WDPCP: variants seen among roughly 807,000 people sequenced by gnomAD.
WDPCP encodes WD repeat containing planar cell polarity effector.
In WDPCP, 71 loss-of-function variants were observed where a neutral mutation model predicts 93.1. The observed-to-expected ratio is 0.76, with a 90% confidence interval of 0.63 to 0.93. WDPCP has a LOEUF of 0.93. Among genes scored for constraint, WDPCP ranks in the 40% least tolerant of loss-of-function variants. The pLI, the probability that WDPCP is intolerant of heterozygous loss-of-function variation, is 0.00. For synonymous variants in WDPCP, 315 were observed against 315.0 expected (o/e 1.00, Z 0.00); for missense variants, 844 against 887.4 (o/e 0.95, Z 0.62).
intron 1 of WDPCP, among the ~76,000 whole-genome samples, chr2:63,505,108 T>TAAAC (rs1456061828): frequency 6.6e-6 from 1 of 152,074 alleles, no homozygotes; most frequent in Admixed American, 6.6e-5. Context: ...TAATGAAATG[T>TAAAC]AAACAAGCCC....
intron 13 of WDPCP, among the ~76,000 whole-genome samples, chr2:63,297,514 C>T (rs1684963352): frequency 6.6e-6 from 1 of 152,152 alleles, no homozygotes; most frequent in African/African-American, 2.4e-5. Flanking sequence ...TATTCTCCTA[C>T]AGTCAGGTAT....
chr2:63,697,177 A>C (rs1668972492), intron 2 of WDPCP, among the ~76,000 whole-genome samples: 1 of 152,214 alleles, frequency 6.6e-6, no homozygotes, highest in African/African-American at 2.4e-5. Flanking sequence ...TGTGGGCCCC[A>C]TAAAGCCCAC....
intron 12 of WDPCP, among the ~76,000 whole-genome samples, chr2:63,376,571 A>G (rs1691869965): frequency 6.6e-6 from 1 of 151,940 alleles, no homozygotes; most frequent in African/African-American, 2.4e-5. Flanking sequence ...CTTCTGTTTC[A>G]TTCACTTTCA....
chr2:63,190,944 A>T lies in WDPCP; in HGVS notation c.1916-16112T>A, dbSNP rs1559188424. Among the ~76,000 whole-genome samples, 4 of 152,184 alleles carry T rather than the reference A, an allele frequency of 2.6e-5. No homozygotes were observed. In the South Asian group the frequency reaches 6.2e-4, roughly 24 times the overall value. On this transcript the variant is annotated intron_variant, in intron 14 of 17. Coordinates refer to ENST00000272321, the MANE Select transcript of WDPCP (RefSeq NM_015910.7). Reference sequence around the variant, plus strand: ...AAAGATCCTGAATTGGGTAAATTTGAATTATTGCTCGGAAGCATGAATTAC... The same window carrying T: ...AAAGATCCTGAATTGGGTAAATTTGTATTATTGCTCGGAAGCATGAATTAC...
intron 14 of WDPCP, among the ~76,000 whole-genome samples, chr2:63,227,167 C>CTCTA (rs1361950396): frequency 2.0e-5 from 3 of 152,008 alleles, no homozygotes; most frequent in African/African-American, 7.2e-5. Flanking sequence ...ATGTTTTATC[C>CTCTA]TCTATCTCAT....
intron 3 of WDPCP, among the ~76,000 whole-genome samples, chr2:63,640,353 A>T (rs572700799): frequency 6.6e-6 from 1 of 152,134 alleles, no homozygotes; most frequent in East Asian, 1.9e-4. Flanking sequence ...AATTAGCTGC[A>T]TGTAGCAGTG....
intron 6 of WDPCP, among the ~76,000 whole-genome samples, chr2:63,479,510 G>A (rs1700148005): frequency 6.6e-6 from 1 of 152,116 alleles, no homozygotes; most frequent in Non-Finnish European, 1.5e-5. Flanking sequence ...TTTCATACCA[G>A]GGATGCAAGG....
chr2:63,312,072 G>A (rs1686228073), intron 13 of WDPCP, among the ~76,000 whole-genome samples: 1 of 152,064 alleles, frequency 6.6e-6, no homozygotes, highest in Non-Finnish European at 1.5e-5. Flanking sequence ...TATAGATTTT[G>A]ATGAAAATAA....
chr2:63,561,381 G>A (rs983423977), intron 1 of WDPCP, among the ~76,000 whole-genome samples: 2 of 151,910 alleles, frequency 1.3e-5, no homozygotes, highest in African/African-American at 2.4e-5. Flanking sequence ...GGGAGGCTGA[G>A]GCAGGAGAAT....
intron 2 of WDPCP, among the ~76,000 whole-genome samples, chr2:63,795,698 G>T (rs901805357): frequency 6.6e-6 from 1 of 152,228 alleles, no homozygotes; most frequent in African/African-American, 2.4e-5. Context: ...AAGGAAAGAA[G>T]GTCAAGAATC....
chr2:63,159,034 T>TAGTC (rs1242048276), intron 15 of WDPCP, among the ~76,000 whole-genome samples: 2 of 148,702 alleles, frequency 1.3e-5, no homozygotes, highest in Non-Finnish European at 3.0e-5. Context: ...CATGCCCCTG[T>TAGTC]AGTCCCAGCT....
chr2:63,258,567 T>G (rs1681338924), intron 14 of WDPCP, among the ~76,000 whole-genome samples: 1 of 152,220 alleles, frequency 6.6e-6, no homozygotes, highest in Non-Finnish European at 1.5e-5. Flanking sequence ...AAAACTTATT[T>G]GTTTCAGAGG....
chr2:63,360,862 T>C (rs2104656014), intron 12 of WDPCP, among the ~76,000 whole-genome samples: 1 of 152,256 alleles, frequency 6.6e-6, no homozygotes, highest in South Asian at 2.1e-4. Context: ...AAAAGCCATG[T>C]TTTACTGAGC....
chr2:63,677,674 AAAAT>A (rs1710440736), intron 2 of WDPCP, among the ~76,000 whole-genome samples: 2 of 152,192 alleles, frequency 1.3e-5, no homozygotes, highest in Admixed American at 6.5e-5. Context: ...ATGCTAAAAG[AAAAT>A]TACTACCGAC....
chr2:63,386,680 GT>G (rs1411147229), intron 10 of WDPCP, among the ~76,000 whole-genome samples: 5 of 152,012 alleles, frequency 3.3e-5, no homozygotes, highest in African/African-American at 1.2e-4. Flanking sequence ...AAACTTGTAG[GT>G]TTTTGACAAG....
intron 2 of WDPCP, among the ~76,000 whole-genome samples, chr2:63,697,636 C>G (rs1668977820): frequency 6.6e-6 from 1 of 152,118 alleles, no homozygotes. Flanking sequence ...TCTATATTTT[C>G]TATAATAAAT....
intron 13 of WDPCP, among the ~76,000 whole-genome samples, chr2:63,282,204 C>T (rs1037387272): frequency 5.3e-5 from 8 of 152,088 alleles, no homozygotes; most frequent in Non-Finnish European, 1.2e-4. Flanking sequence ...AAGCATGGAA[C>T]TGGTATAAAA....
chr2:63,478,215 T>C (rs901731925), intron 6 of WDPCP, among the ~76,000 whole-genome samples: 1 of 152,024 alleles, frequency 6.6e-6, no homozygotes, highest in African/African-American at 2.4e-5. Flanking sequence ...CCTAAGAAAT[T>C]AGATAGACAG....
At chr2:63,692,473 A>G (rs986022435) in intron 2 of WDPCP, among the ~76,000 whole-genome samples, 1 of 152,212 alleles carries the variant, frequency 6.6e-6, no homozygotes, top group African/African-American at 2.4e-5. Context: ...ATTTACCCAT[A>G]ATATATGCAA....
Sources: allele counts gnomAD v4.1 joint callset (sites outside exome capture counted in the v4.1 genomes callset), GRCh38; gene constraint gnomAD v4.1.1; transcripts MANE v1.5; gene names NCBI Gene and HGNC (gene_info 2026-07-23, HGNC 2026-07-21).